The following CORIN variants were observed in gnomAD, a reference collection of about 807,000 sequenced individuals.
CORIN encodes the protein corin, serine peptidase.
In CORIN, 117 loss-of-function variants were observed where a neutral mutation model predicts 125.3. The observed-to-expected ratio is 0.93, with a 90% CI of 0.80 to 1.09. The LOEUF is 1.09. Among genes scored for constraint, CORIN ranks in the 50% least tolerant of loss-of-function variants. CORIN has a pLI of 0.00. For missense variants in CORIN, 1,253 were observed against 1,306.7 expected (o/e 0.96, Z 0.63); for synonymous variants, 450 against 466.4 (o/e 0.96, Z 0.45).
intron 2 of CORIN, among the ~76,000 whole-genome samples, chr4:47,788,141 C>T (rs1317358848): frequency 6.6e-6 from 1 of 152,038 alleles, no homozygotes; most frequent in Admixed American, 6.6e-5. Flanking sequence ...TGATATTGAC[C>T]CATCGATAGA....
rs1191281709 is a variant in CORIN at position 47,603,407 on chromosome 4, C to G, written c.2802G>C (p.Met934Ile). 2 of 1,613,822 alleles carry G rather than the reference C, an allele frequency of 1.2e-6. No homozygotes were observed. The highest frequency in any genetic ancestry group is 2.7e-5 in the African/African-American group (2 of 74,910). The change falls in exon 20 of 22, where the codon ATG (methionine) becomes ATC (isoleucine). Residue 934 changes from methionine to isoleucine, a missense_variant. Met to Ile is a conservative substitution (Grantham distance 10). Transcript: ENST00000273857. ...AATACACTGGCTTACTTTTATTGCC[C>G]ATGTGGCCCCAGCCTGTGATATAGC... ...TYCYITGWGH[M>I]GNKMPFKLQE... is the part of the protein sequence containing the mutation.
chr4:47,779,482 G>A (rs996256904), intron 3 of CORIN, among the ~76,000 whole-genome samples: 1 of 150,952 alleles, frequency 6.6e-6, no homozygotes, highest in Non-Finnish European at 1.5e-5. Context: ...TTTCACCCAG[G>A]CTGGAGTGAA....
chr4:47,683,839 C>G lies in CORIN; in HGVS notation c.914-1G>C. On this transcript the variant is annotated splice_acceptor_variant, in intron 6 of 21. Coordinates refer to ENST00000273857, the MANE Select transcript of CORIN (RefSeq NM_006587.4). LOFTEE classifies it high-confidence loss of function. ...CAGTGAAACAGATTCTCGCTGCAGT[C>G]TGCAAATAAAAGAAGCCACCAGTGT... 6.2e-7 allele frequency: 1 copy of G among 1,608,598 alleles called. No homozygotes were observed. Among genetic ancestry groups the G allele is most frequent in the East Asian group, 2.2e-5 (1 of 44,824 alleles).
At position 47,677,187 on chromosome 4, in the gene CORIN, T is replaced by A. The variant is rs1314554794; in HGVS notation, c.1249+751A>T. On this transcript the variant is annotated intron_variant, in intron 9 of 21. Transcript: ENST00000273857. ...CACTATGAAGTAGTTATCACTATTC[T>A]GAGTGTACAGACACGCAAACTGAGA... Among the ~76,000 whole-genome samples, 11 of 152,350 alleles carry A rather than the reference T, an allele frequency of 7.2e-5. No individual in the cohort carries two copies. In the South Asian group the frequency reaches 2.3e-3, roughly 32 times the overall value.
intron 1 of CORIN, among the ~76,000 whole-genome samples, chr4:47,815,314 T>TC (rs75355814): frequency 0.15 from 23,132 of 152,188 alleles, 1,962 homozygotes; most frequent in East Asian, 0.33. Flanking sequence ...AGTCCTGATT[T>TC]TTTTTTAACA....
chr4:47,702,056 T>C (rs1726318076), intron 5 of CORIN, among the ~76,000 whole-genome samples: 1 of 152,150 alleles, frequency 6.6e-6, no homozygotes, highest in Non-Finnish European at 1.5e-5. Flanking sequence ...AATTTCTCAT[T>C]TAGGTTTCTT....
intron 19 of CORIN, among the ~76,000 whole-genome samples, chr4:47,613,488 T>C (rs987814107): frequency 2.0e-5 from 3 of 151,972 alleles, no homozygotes; most frequent in African/African-American, 7.3e-5. Flanking sequence ...TTGAAGTCTA[T>C]CATAAAAGAA....
At chr4:47,661,207 G>A (rs1009686695) in intron 12 of CORIN, among the ~76,000 whole-genome samples, 1 of 152,128 alleles carries the variant, frequency 6.6e-6, no homozygotes, top group Non-Finnish European at 1.5e-5. Flanking sequence ...GGAAAGCAGG[G>A]TTGGTTAATT....
At chr4:47,814,635 C>T (rs969500302) in intron 1 of CORIN, among the ~76,000 whole-genome samples, 1 of 152,128 alleles carries the variant, frequency 6.6e-6, no homozygotes, top group East Asian at 1.9e-4. Context: ...AACCAACAAG[C>T]AAAATGCCTC....
chr4:47,714,956 T>A (rs1373951566), intron 5 of CORIN, among the ~76,000 whole-genome samples: 1 of 152,208 alleles, frequency 6.6e-6, no homozygotes, highest in Non-Finnish European at 1.5e-5. Flanking sequence ...TAAAATAGTG[T>A]TTAATAAACA....
intron 4 of CORIN, among the ~76,000 whole-genome samples, chr4:47,750,735 C>G (rs1728862942): frequency 6.6e-6 from 1 of 152,182 alleles, no homozygotes; most frequent in Non-Finnish European, 1.5e-5. Context: ...CCCAAACTGT[C>G]TATTCTCCCA....
intron 6 of CORIN, 67 bp from the exon 7 acceptor site, chr4:47,683,905 T>A: frequency 8.4e-7 from 1 of 1,195,368 alleles, no homozygotes; most frequent in Non-Finnish European, 1.2e-6. Flanking sequence ...GTACGATATT[T>A]AACAAAAGCC....
At chr4:47,639,700 C>G (rs4695263) in intron 16 of CORIN, among the ~76,000 whole-genome samples, 39,759 of 152,100 alleles carry the variant, frequency 0.26, 5,423 homozygotes, top group Admixed American at 0.36. Context: ...GGAAATGACT[C>G]AAAGGTGCAG....
chr4:47,761,193 G>C (rs2109866732), intron 4 of CORIN, among the ~76,000 whole-genome samples: 1 of 152,322 alleles, frequency 6.6e-6, no homozygotes, highest in East Asian at 1.9e-4. Context: ...TTGGCTAACT[G>C]TTGGGTGCAA....
intron 5 of CORIN, among the ~76,000 whole-genome samples, chr4:47,715,144 CAG>C (rs1163792211): frequency 6.6e-6 from 1 of 152,118 alleles, no homozygotes; most frequent in Non-Finnish European, 1.5e-5. Flanking sequence ...AAAACTAAAA[CAG>C]AAAATACTAT....
At chr4:47,760,318 C>CAGT (rs1729388156) in intron 4 of CORIN, among the ~76,000 whole-genome samples, 1 of 152,136 alleles carries the variant, frequency 6.6e-6, no homozygotes, top group South Asian at 2.1e-4. Context: ...TTTTTCTGAG[C>CAGT]AGTAGGTGTC....
chr4:47,647,891 A>G (rs1048126862), intron 13 of CORIN, among the ~76,000 whole-genome samples: 2 of 152,212 alleles, frequency 1.3e-5, no homozygotes, highest in Non-Finnish European at 2.9e-5. Context: ...TTTGGTTTCC[A>G]TACATCTTAA....
At chr4:47,774,528 A>G (rs1414805024) in intron 3 of CORIN, among the ~76,000 whole-genome samples, 1 of 152,232 alleles carries the variant, frequency 6.6e-6, no homozygotes, top group Non-Finnish European at 1.5e-5. Flanking sequence ...GAGCTTTTAA[A>G]ATAAACTTAA....
chr4:47,661,036 T>C (rs1724227442), intron 12 of CORIN, among the ~76,000 whole-genome samples: 1 of 152,206 alleles, frequency 6.6e-6, no homozygotes, highest in Non-Finnish European at 1.5e-5. Flanking sequence ...ACAACAAGGA[T>C]AAAAGAAGAC....
Sources: gnomAD v4.1 joint callset for allele counts (sites outside exome capture counted in the v4.1 genomes callset) on GRCh38, gnomAD v4.1.1 for gene constraint, MANE v1.5 for transcripts, NCBI Gene and HGNC (gene_info 2026-07-23, HGNC 2026-07-21) for gene names.